The following ZC3H12B variants were observed in gnomAD, a reference collection of about 807,000 sequenced individuals.
ZC3H12B encodes the protein zinc finger CCCH-type containing 12B.
In ZC3H12B, 7 loss-of-function variants were observed where a neutral mutation model predicts 43.9. The observed-to-expected ratio is 0.16, with a 90% CI of 0.09 to 0.30. The LOEUF is 0.30. Among genes scored for constraint, ZC3H12B ranks in the 10% least tolerant of loss-of-function variants. The probability of loss-of-function intolerance (pLI) is 1.00; values close to 1 mark genes in which losing one functional copy is unlikely to be tolerated. For missense variants in ZC3H12B, 475 were observed against 670.2 expected, an observed-to-expected ratio of 0.71 and a Z score of 3.22; for synonymous variants, 222 against 241.7, an observed-to-expected ratio of 0.92 and a Z score of 0.76.
At chrX:65,143,376 G>A in the ZC3H12B span, among the ~76,000 whole-genome samples, 1 of 110,855 alleles carries the variant, frequency 9.0e-6, no homozygotes, top group African/African-American at 3.3e-5. Flanking sequence ...CTTGCATGCC[G>A]ATATTGTTGA....
the ZC3H12B span, among the ~76,000 whole-genome samples, chrX:65,214,875 A>C: frequency 9.0e-6 from 1 of 111,678 alleles, no homozygotes; most frequent in South Asian, 3.7e-4. Flanking sequence ...GAAAGTTAAA[A>C]ATACTTCTTG....
At chrX:65,201,921 C>T in the ZC3H12B span, among the ~76,000 whole-genome samples, 1 of 104,689 alleles carries the variant, frequency 9.6e-6, no homozygotes, top group Non-Finnish European at 1.9e-5. Flanking sequence ...AGCTCTTATT[C>T]TTCTCCTTTT....
the ZC3H12B span, among the ~76,000 whole-genome samples, chrX:65,113,899 C>G: frequency 9.9e-6 from 1 of 101,379 alleles, no homozygotes; most frequent in East Asian, 3.4e-4. Context: ...CACTGGGAAA[C>G]AGAAAAATTT....
the ZC3H12B span, among the ~76,000 whole-genome samples, chrX:65,165,835 G>T: frequency 8.9e-6 from 1 of 111,819 alleles, no homozygotes. Context: ...TTGGTCAAAT[G>T]GTATTTCTGG....
At chrX:65,304,631 A>G in the ZC3H12B span, among the ~76,000 whole-genome samples, 6 of 109,225 alleles carry the variant, frequency 5.5e-5, no homozygotes, top group Admixed American at 5.9e-4. Context: ...AAAAAAAAAC[A>G]AAAAACAAAA....
intron 3 of ZC3H12B, among the ~76,000 whole-genome samples, chrX:65,453,398 AT>A (rs1569414445): frequency 3.7e-4 from 32 of 87,518 alleles, no homozygotes; most frequent in African/African-American, 1.3e-3. Flanking sequence ...ATATATATAT[AT>A]ATATAAAATA....
At chrX:65,117,232 A>T in the ZC3H12B span, among the ~76,000 whole-genome samples, 3 of 111,553 alleles carry the variant, frequency 2.7e-5, no homozygotes, top group East Asian at 8.6e-4. Flanking sequence ...TTGTTTCCTG[A>T]CTTTTTAATG....
chrX:65,454,549 G>A (rs1324583375), intron 3 of ZC3H12B, among the ~76,000 whole-genome samples: 6 of 112,177 alleles, frequency 5.3e-5, no homozygotes, highest in Non-Finnish European at 1.1e-4. Context: ...CTCCACCTCT[G>A]GGGGCAGGGC....
the ZC3H12B span, among the ~76,000 whole-genome samples, chrX:65,150,725 C>A: frequency 1.8e-5 from 2 of 111,838 alleles, no homozygotes; most frequent in African/African-American, 6.5e-5. Context: ...ACCACACAGG[C>A]TTTTTTATTT....
the ZC3H12B span, among the ~76,000 whole-genome samples, chrX:65,135,750 C>CTTTT: frequency 1.4e-5 from 1 of 69,892 alleles, no homozygotes; most frequent in African/African-American, 5.7e-5. Flanking sequence ...TGTTTGTTTT[C>CTTTT]TTTTTTTTTT....
At chrX:65,161,371 C>A in the ZC3H12B span, among the ~76,000 whole-genome samples, 2 of 111,233 alleles carry the variant, frequency 1.8e-5, no homozygotes, top group Non-Finnish European at 3.8e-5. Context: ...GTGTTAAAAT[C>A]TCCCATTATT....
At chrX:65,129,259 A>AT in the ZC3H12B span, among the ~76,000 whole-genome samples, 2 of 87,980 alleles carry the variant, frequency 2.3e-5, no homozygotes, top group African/African-American at 1.5e-4. Flanking sequence ...GTATATATGT[A>AT]TATATATATA....
At chrX:65,135,620 T>C in the ZC3H12B span, among the ~76,000 whole-genome samples, 2 of 110,305 alleles carry the variant, frequency 1.8e-5, no homozygotes, top group African/African-American at 6.6e-5. Context: ...TACAGCCAGT[T>C]ATTTCTTGTA....
the ZC3H12B span, among the ~76,000 whole-genome samples, chrX:65,084,243 C>T: frequency 9.0e-6 from 1 of 111,255 alleles, no homozygotes; most frequent in Admixed American, 9.6e-5. Flanking sequence ...GCAGCCAAAG[C>T]GAAAACAAAC....
At chrX:65,372,575 T>A (rs2066262674) in intron 2 of ZC3H12B, among the ~76,000 whole-genome samples, 2 of 98,105 alleles carry the variant, frequency 2.0e-5, no homozygotes, top group African/African-American at 7.8e-5. Flanking sequence ...GCGGACATAT[T>A]TTAAGAAAGG....
the ZC3H12B span, among the ~76,000 whole-genome samples, chrX:65,086,826 T>G: frequency 4.5e-5 from 5 of 111,958 alleles, no homozygotes; most frequent in African/African-American, 1.6e-4. Context: ...CCAAACAGAC[T>G]AAGATATTCT....
the ZC3H12B span, among the ~76,000 whole-genome samples, chrX:65,279,076 G>A: frequency 2.7e-4 from 30 of 110,192 alleles, no homozygotes; most frequent in South Asian, 0.011. Context: ...CCATTCCTTT[G>A]GTATTGTGAT....
chrX:65,458,475 C>T (rs1234159207), intron 3 of ZC3H12B, among the ~76,000 whole-genome samples: 4 of 111,732 alleles, frequency 3.6e-5, no homozygotes, highest in Non-Finnish European at 7.5e-5. Flanking sequence ...CACTCCTCAG[C>T]AAATCTAAAA....
At chrX:65,460,678 C>T (rs1405862724) in intron 3 of ZC3H12B, among the ~76,000 whole-genome samples, 1 of 111,741 alleles carries the variant, frequency 8.9e-6, no homozygotes, top group Non-Finnish European at 1.9e-5. Flanking sequence ...GAAACTGGAT[C>T]CCTTCCTTAC....
Sources: gnomAD v4.1 joint callset for allele counts (sites outside exome capture counted in the v4.1 genomes callset) on GRCh38, gnomAD v4.1.1 for gene constraint, MANE v1.5 for transcripts, NCBI Gene and HGNC (gene_info 2026-07-23, HGNC 2026-07-21) for gene names.